The following ARHGAP35 variants were observed in gnomAD, a reference collection of about 807,000 sequenced individuals.
ARHGAP35 encodes the protein Rho GTPase activating protein 35, also known as rho GTPase-activating protein 35.
ARHGAP35 carries 15 observed loss-of-function variants against 111.1 expected under a neutral mutation model. The ratio of observed to expected loss-of-function variants is 0.13; its 90% CI spans 0.09 to 0.21. The LOEUF (loss-of-function observed/expected upper bound fraction) is 0.21. ARHGAP35 is among the 10% of genes least tolerant of loss of function. The pLI, the probability that ARHGAP35 is intolerant of heterozygous loss-of-function variation, is 1.00. For missense variants in ARHGAP35, 1,262 were observed against 1,873.0 expected, an observed-to-expected ratio of 0.67 and a Z score of 6.02; for synonymous variants, 643 against 710.3, an observed-to-expected ratio of 0.91 and a Z score of 1.51.
chr19:46,982,604 CCT>C (rs2056626889), intron 3 of ARHGAP35, among the ~76,000 whole-genome samples: 1 of 152,064 alleles, frequency 6.6e-6, no homozygotes, highest in African/African-American at 2.4e-5. Context: ...GTATATTACC[CCT>C]GATTTTATTG....
At position 46,994,251 on chromosome 19, in the gene ARHGAP35, T is replaced by G. The variant is rs746669762; in HGVS notation, c.4036+4576T>G. 2.0e-5 allele frequency among the ~76,000 whole-genome samples: 3 copies of G among 152,106 alleles called. No individual in the cohort carries two copies. The highest frequency in any genetic ancestry group is 4.4e-5 in the Non-Finnish European group (3 of 68,022). ...TTGCCCCTGCTGTTTCTTTGGCCAG[T>G]GTAGACACCTGGCCGGGCGGGCTAC... On this transcript the variant is annotated intron_variant, in intron 5 of 6. Transcript: ENST00000672722. The surrounding 1 kb of genome is among the most constrained non-coding windows in gnomAD (Gnocchi z 5.4).
At chr19:46,995,217 C>A (rs1039970339) in intron 5 of ARHGAP35, among the ~76,000 whole-genome samples, 4 of 152,130 alleles carry the variant, frequency 2.6e-5, no homozygotes, top group African/African-American at 9.7e-5. Context: ...GAGTTCGAGA[C>A]CAGCCTGACC....
At chr19:46,892,195 T>C (rs1016034732) in intron 1 of ARHGAP35, among the ~76,000 whole-genome samples, 2 of 148,616 alleles carry the variant, frequency 1.3e-5, no homozygotes, top group African/African-American at 5.0e-5. Flanking sequence ...TCCAAGCTAC[T>C]TGGGAGACTG....
chr19:46,972,160 C>T (rs534126477), intron 3 of ARHGAP35, among the ~76,000 whole-genome samples: 2 of 152,300 alleles, frequency 1.3e-5, no homozygotes, highest in South Asian at 2.1e-4. Context: ...AGGCGTGCAT[C>T]AGCACGCCAG....
intron 1 of ARHGAP35, among the ~76,000 whole-genome samples, chr19:46,877,047 C>T (rs989057275): frequency 1.3e-5 from 2 of 149,934 alleles, no homozygotes; most frequent in African/African-American, 4.9e-5. Context: ...GTCAGGAGTT[C>T]GAGACCAGCC....
intron 1 of ARHGAP35, among the ~76,000 whole-genome samples, chr19:46,862,229 T>G (rs1322265871): frequency 6.6e-6 from 1 of 152,032 alleles, no homozygotes; most frequent in African/African-American, 2.4e-5. Context: ...ACTCTGCAGG[T>G]CTCCCATTTC....
In ARHGAP35 at chr19:46,922,146, G is replaced by A. The variant is rs758176207; in HGVS notation, c.3471G>A (p.Leu1157=). The A allele has an allele frequency of 3.1e-6, 5 of 1,614,030 alleles. No homozygotes were observed. In the South Asian group the frequency reaches 5.5e-5, roughly 18 times the overall value. The part of the protein sequence containing the change: ...RKVSIVSKPV[L]YRTRCTRLGR... ...TTTCCATCGTGAGCAAGCCAGTGCT[G>A]TACAGGACGAGATGCACCCGGCTGG... Residue 1157 remains leucine, a synonymous_variant, in exon 2 of 7, where the codon CTG becomes CTA. Transcript: ENST00000672722. The surrounding 1 kb of genome is among the most constrained non-coding windows in gnomAD (Gnocchi z 4.0).
chr19:46,933,613 G>C (rs1029736197), intron 2 of ARHGAP35, among the ~76,000 whole-genome samples: 7 of 152,052 alleles, frequency 4.6e-5, no homozygotes, highest in Admixed American at 3.9e-4. Flanking sequence ...ATCAAATGGA[G>C]TTTTTAATAC....
At chr19:46,935,305 G>A (rs556447625) in intron 2 of ARHGAP35, among the ~76,000 whole-genome samples, 1 of 152,348 alleles carries the variant, frequency 6.6e-6, no homozygotes, top group East Asian at 1.9e-4. Flanking sequence ...GAGTCAGGTA[G>A]CAGGCTGAAT....
intron 5 of ARHGAP35, among the ~76,000 whole-genome samples, chr19:46,998,173 CA>C (rs1357776996): frequency 6.6e-6 from 1 of 152,144 alleles, no homozygotes; most frequent in Non-Finnish European, 1.5e-5. Context: ...GATTCATCAG[CA>C]GAATGGCACA....
chr19:46,940,604 CT>C (rs112571284), intron 3 of ARHGAP35, among the ~76,000 whole-genome samples: 4,995 of 139,778 alleles, frequency 0.036, 205 homozygotes, highest in African/African-American at 0.1. Flanking sequence ...TTTGTTTTCC[CT>C]TTTTTTTTTT....
At chr19:46,864,649 A>T (rs2055845906) in intron 1 of ARHGAP35, among the ~76,000 whole-genome samples, 2 of 152,212 alleles carry the variant, frequency 1.3e-5, no homozygotes, top group Admixed American at 6.5e-5. Flanking sequence ...CTGATAGTAG[A>T]TTTGTATGGT....
chr19:46,927,014 C>G (rs1443712089), intron 2 of ARHGAP35, among the ~76,000 whole-genome samples: 1 of 152,174 alleles, frequency 6.6e-6, no homozygotes, highest in African/African-American at 2.4e-5. Flanking sequence ...AGGAAAGACT[C>G]TCAGTGTGTG....
intron 3 of ARHGAP35, among the ~76,000 whole-genome samples, chr19:46,964,159 G>C (rs547094181): frequency 3.3e-5 from 5 of 151,612 alleles, no homozygotes; most frequent in Admixed American, 3.3e-4. Context: ...TGAGCCACCG[G>C]ACTCATTATT....
chr19:47,003,951 A>ACAC lies in ARHGAP35; in HGVS notation c.*3263_*3264insCAC, dbSNP rs1568493936. On this transcript the variant is annotated 3_prime_UTR_variant, in exon 7 of 7. Coordinates refer to ENST00000672722, the MANE Select transcript of ARHGAP35 (RefSeq NM_004491.5). The stretch of plus-strand genomic sequence containing the variant: ...ACACACACACACACACACACACACA[A>ACAC]AACTTCACAGCAGGCCAGCTGCAGT... 7.2e-6 allele frequency: 1 copy of ACAC among 138,538 alleles called. No homozygotes were observed. Among genetic ancestry groups the ACAC allele is most frequent in the African/African-American group, 2.6e-5 (1 of 38,584 alleles). The allele number at this position is 138,538 out of a possible 1,614,324, so 8.6% of individuals were successfully genotyped here. A position where few individuals can be genotyped will look rare whatever the true frequency, so the allele number is the denominator to read the frequency against.
In ARHGAP35 at chr19:46,993,874, G is replaced by A. The variant is rs1039435001; in HGVS notation, c.4036+4199G>A. Among the ~76,000 whole-genome samples the A allele has an allele frequency of 2.6e-4, 39 of 152,154 alleles. No individual in the cohort carries two copies. Among genetic ancestry groups the A allele is most frequent in the African/African-American group, 9.2e-4 (38 of 41,438 alleles). On this transcript the variant is annotated intron_variant, in intron 5 of 6. Transcript: ENST00000672722. The surrounding 1 kb of genome is among the most constrained non-coding windows in gnomAD (Gnocchi z 4.6). ...TAGGCCACCTTCTCTCCCGGCCCACGCCCCTGGACTCCTGTCTACCCCTGA... is the reference window on the plus strand; with the variant it reads ...TAGGCCACCTTCTCTCCCGGCCCACACCCCTGGACTCCTGTCTACCCCTGA...
At position 46,999,422 on chromosome 19, in the gene ARHGAP35, G is replaced by A. The variant is rs1334977465; in HGVS notation, c.4142+13G>A. Reference sequence around the variant, plus strand: ...CTCACCTAAACAAGTAAGTCGCAGGGCCTTCTGGTTGGTTTTTCCTCCTGA... The same window carrying A: ...CTCACCTAAACAAGTAAGTCGCAGGACCTTCTGGTTGGTTTTTCCTCCTGA... On this transcript the variant is annotated intron_variant, in intron 6 of 6. Coordinates refer to ENST00000672722, the MANE Select transcript of ARHGAP35 (RefSeq NM_004491.5). This position sits in a 1 kb window ranked among gnomAD's most constrained non-coding sequence, Gnocchi z 5.4. The A allele has an allele frequency of 6.5e-7, 1 of 1,542,860 alleles. No homozygotes were observed. The highest frequency in any genetic ancestry group is 2.4e-5 in the East Asian group (1 of 42,036).
rs1355869603 is a variant in ARHGAP35 at position 47,000,843 on chromosome 19, T to C, written c.*155T>C. 1.3e-6 allele frequency: 2 copies of C among 1,538,698 alleles called. No individual in the cohort carries two copies. Among genetic ancestry groups the C allele is most frequent in the Non-Finnish European group, 8.7e-7 (1 of 1,146,660 alleles). Reference sequence around the variant, plus strand: ...CCTCAGTGGGAGCACCAGCCAATGGTACCATCGGCTGGGCTGCCAGGTACC... The same window carrying C: ...CCTCAGTGGGAGCACCAGCCAATGGCACCATCGGCTGGGCTGCCAGGTACC... On this transcript the variant is annotated 3_prime_UTR_variant, in exon 7 of 7. Coordinates refer to ENST00000672722, the MANE Select transcript of ARHGAP35 (RefSeq NM_004491.5). This position sits in a 1 kb window ranked among gnomAD's most constrained non-coding sequence, Gnocchi z 6.9.
At chr19:46,893,247 C>T (rs967351619) in intron 1 of ARHGAP35, among the ~76,000 whole-genome samples, 13 of 152,194 alleles carry the variant, frequency 8.5e-5, no homozygotes, top group African/African-American at 3.1e-4. Flanking sequence ...GTGTGGGGAA[C>T]AGGTAGCCAG....
Sources: gnomAD v4.1 joint callset for allele counts (sites outside exome capture counted in the v4.1 genomes callset) on GRCh38, gnomAD v4.1.1 for gene constraint, Gnocchi (gnomAD v3.1) non-coding constraint, MANE v1.5 for transcripts, NCBI Gene and HGNC (gene_info 2026-07-23, HGNC 2026-07-21) for gene names.